CORO1C: variants seen among roughly 807,000 people sequenced by gnomAD.
CORO1C encodes coronin 1C, also known as coronin-1C.
A neutral mutation model predicts 51.2 loss-of-function variants in CORO1C; 14 were observed. The observed-to-expected ratio is 0.27, with a 90% CI of 0.18 to 0.43. The LOEUF is 0.43. Ranked by LOEUF, CORO1C falls within the 20% of genes least tolerant of loss-of-function variation. The pLI is 1.00. For missense variants in CORO1C, 417 were observed against 607.8 expected (o/e 0.69, Z 3.30); for synonymous variants, 181 against 210.5 (o/e 0.86, Z 1.21).
intron 1 of CORO1C, among the ~76,000 whole-genome samples, chr12:108,718,270 A>G (rs1275035108): frequency 1.3e-5 from 2 of 151,690 alleles, no homozygotes; most frequent in East Asian, 3.9e-4. Flanking sequence ...GGAGAATGGC[A>G]TGAACCCAGG....
intron 2 of CORO1C, among the ~76,000 whole-genome samples, chr12:108,693,172 A>G (rs2034558410): frequency 6.6e-6 from 1 of 152,218 alleles, no homozygotes; most frequent in Admixed American, 6.5e-5. Flanking sequence ...TAATAAAAAT[A>G]TACATGTACA....
At chr12:108,701,444 A>C (rs2034867315) in intron 1 of CORO1C, 121 bp from the exon 2 acceptor site, 3 of 1,468,440 alleles carry the variant, frequency 2.0e-6, no homozygotes, top group Non-Finnish European at 1.8e-6. Context: ...TGCTCTCCTA[A>C]AAAGTAGCCA....
intron 2 of CORO1C, among the ~76,000 whole-genome samples, chr12:108,692,183 C>T (rs1279369128): frequency 6.6e-6 from 1 of 152,108 alleles, no homozygotes; most frequent in African/African-American, 2.4e-5. Context: ...CAGTCCTGTC[C>T]CCCAGCTTTT....
Position 108,647,373 on chromosome 12 carries a change from A to AATTTTTT in CORO1C, c.*29_*30insAAAAAAT. The AATTTTTT allele has an allele frequency of 9.8e-7, 1 of 1,018,888 alleles. No individual in the cohort carries two copies. The highest frequency in any genetic ancestry group is 2.4e-5 in the African/African-American group (1 of 40,990). The allele number at this position is 1,018,888 out of a possible 1,614,324, so 63.1% of individuals were successfully genotyped here. Reference sequence around the variant, plus strand: ...CTCCCAAGCACAAGTTCTTGCTCCCATTTTTTCTGTAGGGGTGGGGGTGGG... The same window carrying AATTTTTT: ...CTCCCAAGCACAAGTTCTTGCTCCCAATTTTTTTTTTTTCTGTAGGGGTGGGGGTGGG... On this transcript the variant is annotated 3_prime_UTR_variant, in exon 11 of 11. Coordinates refer to ENST00000261401, the MANE Select transcript of CORO1C (RefSeq NM_014325.4).
Position 108,731,495 on chromosome 12 carries a change from C to A in CORO1C, c.-72G>T, listed in dbSNP as rs1485373674. The stretch of plus-strand genomic sequence containing the variant: ...TGCAAAGCCGGGCGAAGCCTCCAAC[C>A]GCTGCCGCCTCCAGCCTGGCACTGA... On this transcript the variant is annotated 5_prime_UTR_variant, in exon 1 of 11. Transcript: ENST00000261401. This position sits in a 1 kb window ranked among gnomAD's most constrained non-coding sequence, Gnocchi z 5.2. The A allele has an allele frequency of 1.3e-5, 2 of 151,886 alleles. No homozygotes were observed. Among genetic ancestry groups the A allele is most frequent in the Non-Finnish European group, 2.9e-5 (2 of 68,036 alleles). 9.4% of individuals were successfully genotyped at this position (151,886 alleles called of 1,614,324 possible).
chr12:108,731,086 G>A lies in CORO1C; in HGVS notation c.-6+343C>T, dbSNP rs554962082. ...CCCTGACCCCTAAAAGCCTTCCCTG[G>A]GCAGCCTCGTCCCACCTCGGCCCGC... is the stretch of plus-strand genomic sequence containing the variant. On this transcript the variant is annotated intron_variant, in intron 1 of 10. Coordinates refer to ENST00000261401, the MANE Select transcript of CORO1C (RefSeq NM_014325.4). The surrounding 1 kb of genome is among the most constrained non-coding windows in gnomAD (Gnocchi z 5.2). 6.5e-6 allele frequency: 1 copy of A among 153,438 alleles called. No individual in the cohort carries two copies. Among genetic ancestry groups the A allele is most frequent in the African/African-American group, 2.4e-5 (1 of 41,530 alleles). The allele number at this position is 153,438 out of a possible 1,614,324, so 9.5% of individuals were successfully genotyped here.
chr12:108,679,685 T>C (rs1218000782), intron 2 of CORO1C, among the ~76,000 whole-genome samples: 1 of 152,220 alleles, frequency 6.6e-6, no homozygotes, highest in African/African-American at 2.4e-5. Context: ...ATTTCTCCAA[T>C]TTGACTTGAC....
At chr12:108,720,264 T>C (rs969718869) in intron 1 of CORO1C, among the ~76,000 whole-genome samples, 4 of 152,110 alleles carry the variant, frequency 2.6e-5, no homozygotes, top group African/African-American at 9.7e-5. Flanking sequence ...AAGAAACCCA[T>C]GCTGCCAATA....
intron 1 of CORO1C, among the ~76,000 whole-genome samples, chr12:108,719,458 G>C (rs916111108): frequency 6.6e-6 from 1 of 152,134 alleles, no homozygotes; most frequent in Non-Finnish European, 1.5e-5. Context: ...ACTCCTAAGC[G>C]ATTAGATCAT....
intron 1 of CORO1C, among the ~76,000 whole-genome samples, chr12:108,727,129 A>G (rs1419791380): frequency 6.6e-6 from 1 of 152,268 alleles, no homozygotes; most frequent in Non-Finnish European, 1.5e-5. Flanking sequence ...GCCATGAACA[A>G]GAGAATCTCA....
At chr12:108,724,756 C>A (rs773964681) in intron 1 of CORO1C, among the ~76,000 whole-genome samples, 12 of 152,174 alleles carry the variant, frequency 7.9e-5, no homozygotes, top group Non-Finnish European at 1.8e-4. Flanking sequence ...AATATAACTG[C>A]CTTCCACATA....
intron 2 of CORO1C, among the ~76,000 whole-genome samples, chr12:108,678,882 G>A (rs2034010552): frequency 6.6e-6 from 1 of 151,858 alleles, no homozygotes; most frequent in Admixed American, 6.6e-5. Flanking sequence ...AGCACTTTGG[G>A]AGGCTGAGGC....
intron 1 of CORO1C, among the ~76,000 whole-genome samples, chr12:108,713,502 C>T (rs2035241766): frequency 6.6e-6 from 1 of 152,148 alleles, no homozygotes; most frequent in Admixed American, 6.5e-5. Context: ...TGTTTCAATT[C>T]AATAACTCAA....
chr12:108,676,035 A>T (rs555590056), intron 3 of CORO1C, among the ~76,000 whole-genome samples: 1 of 152,232 alleles, frequency 6.6e-6, no homozygotes, highest in African/African-American at 2.4e-5. Context: ...ATGATGAAGG[A>T]GGAATCTTTA....
chr12:108,678,750 G>A (rs1015762023), intron 2 of CORO1C, among the ~76,000 whole-genome samples: 1 of 149,046 alleles, frequency 6.7e-6, no homozygotes, highest in African/African-American at 2.5e-5. Flanking sequence ...CTAAACCTTG[G>A]TATTATTCAA....
At chr12:108,679,134 C>A (rs796475936) in intron 2 of CORO1C, among the ~76,000 whole-genome samples, 7,464 of 43,188 alleles carry the variant, frequency 0.17, 1 homozygote, top group Middle Eastern at 0.28. Flanking sequence ...AAAAAAGAAA[C>A]AAGAAAAAAG....
chr12:108,702,801 C>A, intron 1 of CORO1C: 7 of 1,528,498 alleles, frequency 4.6e-6, no homozygotes, highest in Non-Finnish European at 6.1e-6. Context: ...CTTACCCTTC[C>A]AACGCATGTG....
Position 108,714,838 on chromosome 12 carries a change from G to A in CORO1C, c.-5-13515C>T, listed in dbSNP as rs139922883. 1.9e-3 allele frequency among the ~76,000 whole-genome samples: 292 copies of A among 152,250 alleles called. 1 individual carries two copies. Among genetic ancestry groups the A allele is most frequent in the African/African-American group, 6.9e-3 (285 of 41,548 alleles). On this transcript the variant is annotated intron_variant, in intron 1 of 10. Coordinates refer to ENST00000261401, the MANE Select transcript of CORO1C (RefSeq NM_014325.4). ...TTAAAGTTTTCAAAGAAGAGCACTC[G>A]TATATTTACATTTTATAATCTATAC...
intron 1 of CORO1C, among the ~76,000 whole-genome samples, chr12:108,702,205 G>A (rs1361042014): frequency 6.6e-6 from 1 of 152,196 alleles, no homozygotes; most frequent in Non-Finnish European, 1.5e-5. Flanking sequence ...CAGTAAACCA[G>A]ACTTGAGGAA....
Sources: gnomAD v4.1 joint callset for allele counts (sites outside exome capture counted in the v4.1 genomes callset) on GRCh38, gnomAD v4.1.1 for gene constraint, Gnocchi (gnomAD v3.1) non-coding constraint, MANE v1.5 for transcripts, NCBI Gene and HGNC (gene_info 2026-07-23, HGNC 2026-07-21) for gene names.